Variants in PDE8B observed in about 807,000 individuals in gnomAD.
The protein encoded by PDE8B is high affinity cAMP-specific and IBMX-insensitive 3',5'-cyclic phosphodiesterase 8B.
A neutral mutation model predicts 101.3 loss-of-function variants in PDE8B; 26 were observed. The ratio of observed to expected loss-of-function variants is 0.26; its 90% CI spans 0.19 to 0.36. PDE8B has a LOEUF of 0.36. Among genes scored for constraint, PDE8B ranks in the 10% least tolerant of loss-of-function variants. The probability of loss-of-function intolerance (pLI) is 1.00; values close to 1 mark genes in which losing one functional copy is unlikely to be tolerated. For missense variants in PDE8B, 810 were observed against 1,163.1 expected, an observed-to-expected ratio of 0.70 and a Z score of 4.42; for synonymous variants, 424 against 429.3, an observed-to-expected ratio of 0.99 and a Z score of 0.15.
intron 2 of PDE8B, among the ~76,000 whole-genome samples, chr5:77,323,659 A>G (rs1460622505): frequency 2.6e-5 from 4 of 152,138 alleles, no homozygotes; most frequent in Admixed American, 6.5e-5. Context: ...CCAATTTTCA[A>G]TTAATAAAAG....
intron 1 of PDE8B, among the ~76,000 whole-genome samples, chr5:77,311,462 T>C (rs556132968): frequency 6.6e-5 from 10 of 152,294 alleles, no homozygotes; most frequent in Non-Finnish European, 1.3e-4. Flanking sequence ...TAAATGTGAG[T>C]AAGACTAAGC....
At chr5:77,357,787 C>T (rs934897481) in intron 10 of PDE8B, among the ~76,000 whole-genome samples, 1 of 152,204 alleles carries the variant, frequency 6.6e-6, no homozygotes, top group African/African-American at 2.4e-5. Context: ...TCTTTCTTTT[C>T]TTCCTCCCTC....
At chr5:77,201,929 C>T in the PDE8B span, among the ~76,000 whole-genome samples, 8 of 152,276 alleles carry the variant, frequency 5.3e-5, no homozygotes, top group South Asian at 1.5e-3. Context: ...GGTGAGGCCT[C>T]CCTCCTCAAC....
At chr5:77,363,713 GA>G (rs34650604) in intron 10 of PDE8B, among the ~76,000 whole-genome samples, 31,803 of 113,004 alleles carry the variant, frequency 0.28, 3,631 homozygotes, top group Middle Eastern at 0.36. Flanking sequence ...CTCCATCGCA[GA>G]AAAAAAAAAA....
the PDE8B span, chr5:77,118,754 C>G: frequency 5.7e-6 from 1 of 175,838 alleles, no homozygotes; most frequent in East Asian, 1.5e-4. Flanking sequence ...ATCCCTCCCA[C>G]AGACATTGTG....
At chr5:77,119,326 A>AAATATATCT in the PDE8B span, 3 of 152,244 alleles carry the variant, frequency 2.0e-5, no homozygotes, top group Admixed American at 6.5e-5. Flanking sequence ...ATATTTGCCC[A>AAATATATCT]GCAGAAATGA....
intron 1 of PDE8B, among the ~76,000 whole-genome samples, chr5:77,237,321 T>A (rs969244204): frequency 1.3e-5 from 2 of 152,182 alleles, no homozygotes; most frequent in African/African-American, 4.8e-5. Flanking sequence ...CTGTTCCATC[T>A]TTTCTGCTTT....
At chr5:77,155,774 G>A in the PDE8B span, among the ~76,000 whole-genome samples, 2 of 152,176 alleles carry the variant, frequency 1.3e-5, no homozygotes, top group African/African-American at 4.8e-5. Context: ...TTGAACCCTG[G>A]CTGTTTGACT....
the PDE8B span, among the ~76,000 whole-genome samples, chr5:77,169,408 G>A: frequency 6.6e-6 from 1 of 152,176 alleles, no homozygotes; most frequent in African/African-American, 2.4e-5. Flanking sequence ...GGTTTCAAGG[G>A]CTGACCCCCA....
chr5:77,426,564 A>G lies in PDE8B; in HGVS notation c.*10A>G. The G allele has an allele frequency of 6.9e-7, 1 of 1,448,932 alleles. No homozygotes were observed. The highest frequency in any genetic ancestry group is 9.7e-7 in the Non-Finnish European group (1 of 1,029,708). 89.8% of individuals were successfully genotyped at this position (1,448,932 alleles called of 1,614,324 possible). ...TCCATCTGACAGCTAAAGCCAAGCC[A>G]CAGAGGGGGCCTCTTGACCGACAAA... is the stretch of plus-strand genomic sequence containing the variant. On this transcript the variant is annotated 3_prime_UTR_variant, in exon 22 of 22. Coordinates refer to ENST00000264917, the MANE Select transcript of PDE8B (RefSeq NM_003719.5).
At chr5:77,217,167 C>CT (rs145643633) in intron 1 of PDE8B, among the ~76,000 whole-genome samples, 2,785 of 152,158 alleles carry the variant, frequency 0.018, 69 homozygotes, top group Middle Eastern at 0.071. Context: ...TGCTGATACA[C>CT]TTTTTTTATC....
At chr5:77,360,166 A>G (rs1022682996) in intron 10 of PDE8B, among the ~76,000 whole-genome samples, 1 of 152,222 alleles carries the variant, frequency 6.6e-6, no homozygotes, top group African/African-American at 2.4e-5. Flanking sequence ...GCTATTTCTT[A>G]AAAATTAATG....
chr5:77,189,590 A>C, the PDE8B span, among the ~76,000 whole-genome samples: 1 of 152,174 alleles, frequency 6.6e-6, no homozygotes, highest in East Asian at 1.9e-4. Context: ...GAATATTTCA[A>C]GTGGGAGGGA....
chr5:77,225,848 GCACA>G (rs3087185), intron 1 of PDE8B, among the ~76,000 whole-genome samples: 3,237 of 144,308 alleles, frequency 0.022, 42 homozygotes, highest in Middle Eastern at 0.035. Context: ...ACATGCGCGT[GCACA>G]CACACACACA....
At chr5:77,268,088 A>C (rs1483385506) in intron 1 of PDE8B, among the ~76,000 whole-genome samples, 1 of 152,008 alleles carries the variant, frequency 6.6e-6, no homozygotes, top group Non-Finnish European at 1.5e-5. Context: ...TGGTATCAGG[A>C]ATGGGGAGGT....
At chr5:77,118,258 T>C in the PDE8B span, 5 of 397,018 alleles carry the variant, frequency 1.3e-5, no homozygotes, top group Non-Finnish European at 2.2e-5. Context: ...AAGGTTTTGG[T>C]TTTGTATCTA....
At chr5:77,294,974 C>T (rs913108114) in intron 1 of PDE8B, among the ~76,000 whole-genome samples, 2 of 151,466 alleles carry the variant, frequency 1.3e-5, no homozygotes, top group Non-Finnish European at 2.9e-5. Flanking sequence ...AACCAAACCC[C>T]GTTGTGTACT....
intron 1 of PDE8B, among the ~76,000 whole-genome samples, chr5:77,272,363 ATCCAT>A (rs1762974281): frequency 6.6e-6 from 1 of 152,224 alleles, no homozygotes. Flanking sequence ...ATTCTTAGCT[ATCCAT>A]TCTCTTGGGA....
At position 77,340,600 on chromosome 5, in the gene PDE8B, A is replaced by AGTGTGTGTGTGT. The variant is rs34764404; in HGVS notation, c.797+3316_797+3327dup. On this transcript the variant is annotated intron_variant, in intron 6 of 21. Transcript: ENST00000264917. Reference sequence around the variant, plus strand: ...CTACCCTTGTTCCAGGCAGCCTCACAGTGTGTGTGTGTGTGTGTGTGTGTG... The same window carrying AGTGTGTGTGTGT: ...CTACCCTTGTTCCAGGCAGCCTCACAGTGTGTGTGTGTGTGTGTGTGTGTGTGTGTGTGTGTG... 6.1e-3 allele frequency among the ~76,000 whole-genome samples: 855 copies of AGTGTGTGTGTGT among 140,152 alleles called. 9 individuals are homozygous for AGTGTGTGTGTGT. The highest frequency in any genetic ancestry group is 0.028 in the East Asian group (131 of 4,698). 91.9% of individuals were successfully genotyped at this position (140,152 alleles called of 152,430 possible). A position where few individuals can be genotyped will look rare whatever the true frequency, so the allele number is the denominator to read the frequency against.
Sources: gnomAD v4.1 joint callset for allele counts (sites outside exome capture counted in the v4.1 genomes callset) on GRCh38, gnomAD v4.1.1 for gene constraint, MANE v1.5 for transcripts, NCBI Gene and HGNC (gene_info 2026-07-23, HGNC 2026-07-21) for gene names.